Variants in WNT3A observed in about 807,000 individuals in gnomAD.
The protein encoded by WNT3A is protein Wnt-3a.
Under a neutral mutation model 37.0 loss-of-function variants are expected in WNT3A, and 17 were observed. The ratio of observed to expected loss-of-function variants is 0.46; its 90% confidence interval spans 0.31 to 0.69. The LOEUF is 0.69. WNT3A is among the 30% of genes least tolerant of loss of function. WNT3A has a pLI of 0.05. For missense variants in WNT3A, 411 were observed against 510.2 expected (o/e 0.81, Z 1.87); for synonymous variants, 187 against 211.0 (o/e 0.89, Z 0.99).
chr1:228,055,182 ATATATATATATATATATATATATAT>A (rs2031657950), intron 3 of WNT3A, among the ~76,000 whole-genome samples: 1 of 26,106 alleles, frequency 3.8e-5, no homozygotes, highest in Non-Finnish European at 6.8e-5. Flanking sequence ...AAAAAAAAAT[ATATATATATATATATATATATATAT>A]ATATATATAT....
chr1:228,016,093 T>C (rs1305076179), intron 1 of WNT3A, among the ~76,000 whole-genome samples: 1 of 152,136 alleles, frequency 6.6e-6, no homozygotes, highest in Admixed American at 6.5e-5. Flanking sequence ...ACTACCTTGC[T>C]CTTTTGGGGA....
intron 1 of WNT3A, 66 bp from the exon 2 acceptor site, chr1:228,022,601 C>A: frequency 6.4e-7 from 1 of 1,563,634 alleles, no homozygotes; most frequent in Non-Finnish European, 8.7e-7. Flanking sequence ...AGCAAAGGGT[C>A]TGTAGCCTGC....
chr1:228,047,206 G>A (rs1364338929), intron 2 of WNT3A, among the ~76,000 whole-genome samples: 5 of 152,178 alleles, frequency 3.3e-5, no homozygotes, highest in Non-Finnish European at 7.4e-5. Context: ...GATGCAGTGG[G>A]TGTCCAGGCC....
At chr1:228,029,200 A>G (rs2030934267) in intron 2 of WNT3A, among the ~76,000 whole-genome samples, 1 of 152,126 alleles carries the variant, frequency 6.6e-6, no homozygotes, top group African/African-American at 2.4e-5. Context: ...GAGAGCTAAC[A>G]ATGTCGGTAC....
intron 3 of WNT3A, among the ~76,000 whole-genome samples, chr1:228,057,979 G>A (rs2031713874): frequency 6.6e-6 from 1 of 152,188 alleles, no homozygotes; most frequent in Admixed American, 6.5e-5. Flanking sequence ...TGGGATCACA[G>A]GTTCCCGCCA....
intron 1 of WNT3A, among the ~76,000 whole-genome samples, chr1:228,016,096 T>C (rs1474005233): frequency 6.6e-6 from 1 of 152,076 alleles, no homozygotes; most frequent in East Asian, 1.9e-4. Flanking sequence ...ACCTTGCTCT[T>C]TTGGGGATCC....
At chr1:228,016,023 A>G (rs2030522733) in intron 1 of WNT3A, among the ~76,000 whole-genome samples, 1 of 152,034 alleles carries the variant, frequency 6.6e-6, no homozygotes. Context: ...TGTGCCCGTC[A>G]CCTTCTGGGC....
In WNT3A at chr1:228,022,838, C is replaced by T. The variant is rs1213331058; in HGVS notation, c.243C>T (p.Phe81=). ...KIGIQECQHQ[F]RGRRWNCTTV... is the part of the protein sequence containing the mutation. ...GCATCCAGGAGTGCCAGCACCAGTT[C>T]CGCGGCCGCCGGTGGAACTGCACCA... Residue 81 remains phenylalanine, a synonymous_variant, in exon 2 of 4, where the codon TTC becomes TTT. Transcript: ENST00000284523. 1 of 1,613,950 alleles carries T rather than the reference C, an allele frequency of 6.2e-7. No individual in the cohort carries two copies. The highest frequency in any genetic ancestry group is 1.3e-5 in the African/African-American group (1 of 75,074).
In WNT3A at chr1:228,059,490, C is replaced by A; in HGVS notation, c.*25C>A. 6.8e-7 allele frequency: 1 copy of A among 1,480,350 alleles called. No homozygotes were observed. The allele number at this position is 1,480,350 out of a possible 1,614,324, so 91.7% of individuals were successfully genotyped here. A position where few individuals can be genotyped will look rare whatever the true frequency, so the allele number is the denominator to read the frequency against. On this transcript the variant is annotated 3_prime_UTR_variant, in exon 4 of 4. Coordinates refer to ENST00000284523, the MANE Select transcript of WNT3A (RefSeq NM_033131.4). Reference sequence around the variant, plus strand: ...GGCACCGGCCGCGGCTCCCCCTGGACGGGGCGGGCCCTGCCTGAGGGTGGG... The same window carrying A: ...GGCACCGGCCGCGGCTCCCCCTGGAAGGGGCGGGCCCTGCCTGAGGGTGGG...
At chr1:228,014,212 C>G (rs2030460406) in intron 1 of WNT3A, among the ~76,000 whole-genome samples, 1 of 152,204 alleles carries the variant, frequency 6.6e-6, no homozygotes, top group African/African-American at 2.4e-5. Flanking sequence ...CTCCCCTCCT[C>G]TCTCAGAGCT....
At chr1:228,020,294 G>A (rs902537395) in intron 1 of WNT3A, among the ~76,000 whole-genome samples, 2 of 152,218 alleles carry the variant, frequency 1.3e-5, no homozygotes, top group African/African-American at 2.4e-5. Flanking sequence ...CTCACCCATG[G>A]GCACCCCCAG....
At position 228,039,728 on chromosome 1, in the gene WNT3A, G is replaced by GC. The variant is rs975427830; in HGVS notation, c.314-10922dup. On this transcript the variant is annotated intron_variant, in intron 2 of 3. Transcript: ENST00000284523. This position sits in a 1 kb window ranked among gnomAD's most constrained non-coding sequence, Gnocchi z 4.1. ...AGGGCGGCCCTGCAGTGATTCATTG[G>GC]CCCCCCAGCCATGACCATTGTTGGA... is the stretch of plus-strand genomic sequence containing the variant. 2.0e-5 allele frequency among the ~76,000 whole-genome samples: 3 copies of GC among 152,096 alleles called. No individual in the cohort carries two copies. The highest frequency in any genetic ancestry group is 3.9e-4 in the East Asian group (2 of 5,182).
chr1:228,016,768 C>T (rs1218399912), intron 1 of WNT3A, among the ~76,000 whole-genome samples: 1 of 152,096 alleles, frequency 6.6e-6, no homozygotes, highest in Non-Finnish European at 1.5e-5. Flanking sequence ...GGAGCTTCCA[C>T]TCATGGTGGA....
rs2030243420 is a variant in WNT3A at position 228,007,750 on chromosome 1, G to C, written c.71+551G>C. ...GCAGAGCCGGCGGCGGGGCGCACTG[G>C]GGGCCGGCCCTGGGCCCCGCGCGCC... On this transcript the variant is annotated intron_variant, in intron 1 of 3. Coordinates refer to ENST00000284523, the MANE Select transcript of WNT3A (RefSeq NM_033131.4). The surrounding 1 kb of genome is among the most constrained non-coding windows in gnomAD (Gnocchi z 6.0). Among the ~76,000 whole-genome samples the C allele has an allele frequency of 6.6e-6, 1 of 152,076 alleles. No homozygotes were observed. Among genetic ancestry groups the C allele is most frequent in the South Asian group, 2.1e-4 (1 of 4,834 alleles).
chr1:228,042,161 T>C lies in WNT3A; in HGVS notation c.314-8495T>C, dbSNP rs2031299385. On this transcript the variant is annotated intron_variant, in intron 2 of 3. Coordinates refer to ENST00000284523, the MANE Select transcript of WNT3A (RefSeq NM_033131.4). This position sits in a 1 kb window ranked among gnomAD's most constrained non-coding sequence, Gnocchi z 5.2. ...GCCCCGCTGATTTTTGTATTTTTAGTAGAGACGGGGTTTCACCATGTTGGC... is the reference window on the plus strand; with the variant it reads ...GCCCCGCTGATTTTTGTATTTTTAGCAGAGACGGGGTTTCACCATGTTGGC... 6.6e-6 allele frequency among the ~76,000 whole-genome samples: 1 copy of C among 152,156 alleles called. No individual in the cohort carries two copies. Among genetic ancestry groups the C allele is most frequent in the Non-Finnish European group, 1.5e-5 (1 of 68,028 alleles).
At chr1:228,030,173 T>A (rs1188708756) in intron 2 of WNT3A, among the ~76,000 whole-genome samples, 1 of 151,626 alleles carries the variant, frequency 6.6e-6, no homozygotes, top group Non-Finnish European at 1.5e-5. Context: ...GGCGGGCAGA[T>A]CACTTGAGGT....
At chr1:228,029,517 G>A (rs2030945895) in intron 2 of WNT3A, among the ~76,000 whole-genome samples, 1 of 152,170 alleles carries the variant, frequency 6.6e-6, no homozygotes, top group Non-Finnish European at 1.5e-5. Context: ...AGGTCACGCT[G>A]GGAAAGTCCT....
Position 228,007,653 on chromosome 1 carries a change from CGATGAGACAAGACTGAACA to C in WNT3A, c.71+456_71+474del, listed in dbSNP as rs1227042744. Reference sequence around the variant, plus strand: ...ACACACACACGTTTTAAAACAAAGTCGATGAGACAAGACTGAACAGCTCGGAGCAGCGTGGTTACGTAAA... The same window carrying C: ...ACACACACACGTTTTAAAACAAAGTCGCTCGGAGCAGCGTGGTTACGTAAA... On this transcript the variant is annotated intron_variant, in intron 1 of 3. Transcript: ENST00000284523. This position sits in a 1 kb window ranked among gnomAD's most constrained non-coding sequence, Gnocchi z 6.0. Among the ~76,000 whole-genome samples, 63 of 152,148 alleles carry C rather than the reference CGATGAGACAAGACTGAACA, an allele frequency of 4.1e-4. No homozygotes were observed. Among genetic ancestry groups the C allele is most frequent in the Non-Finnish European group, 7.9e-4 (54 of 68,026 alleles).
intron 2 of WNT3A, among the ~76,000 whole-genome samples, chr1:228,025,306 G>T (rs1437428186): frequency 2.0e-5 from 3 of 152,012 alleles, no homozygotes; most frequent in African/African-American, 7.2e-5. Flanking sequence ...AGGAGCTCAG[G>T]GTCTTTCCAT....
Sources: allele counts gnomAD v4.1 joint callset (sites outside exome capture counted in the v4.1 genomes callset), GRCh38; gene constraint gnomAD v4.1.1; non-coding constraint Gnocchi (gnomAD v3.1); transcripts MANE v1.5; gene names NCBI Gene and HGNC (gene_info 2026-07-23, HGNC 2026-07-21).